Variants in CADPS observed in about 807,000 individuals in gnomAD.
The protein encoded by CADPS is calcium dependent secretion activator.
In CADPS, 57 loss-of-function variants were observed where a neutral mutation model predicts 167.3. The observed-to-expected ratio is 0.34, with a 90% CI of 0.28 to 0.42. CADPS has a LOEUF of 0.42. Ranked by LOEUF, CADPS falls within the 20% of genes least tolerant of loss-of-function variation. CADPS has a pLI of 1.00. For missense variants in CADPS, 1,414 were observed against 1,738.1 expected (o/e 0.81, Z 3.32); for synonymous variants, 676 against 635.3 (o/e 1.06, Z -0.96).
intron 3 of CADPS, among the ~76,000 whole-genome samples, chr3:62,683,327 C>A (rs1331092228): frequency 6.6e-6 from 1 of 151,994 alleles, no homozygotes; most frequent in Non-Finnish European, 1.5e-5. Flanking sequence ...GTGAATACAG[C>A]TATTGCCAAT....
In CADPS at chr3:62,421,250, C is replaced by T. The variant is rs1486965073; in HGVS notation, c.3777+16854G>A. 2.0e-5 allele frequency among the ~76,000 whole-genome samples: 3 copies of T among 152,108 alleles called. No homozygotes were observed. The highest frequency in any genetic ancestry group is 1.9e-4 in the East Asian group (1 of 5,158). On this transcript the variant is annotated intron_variant, in intron 28 of 29. Coordinates refer to ENST00000383710, the MANE Select transcript of CADPS (RefSeq NM_003716.4). This position sits in a 1 kb window ranked among gnomAD's most constrained non-coding sequence, Gnocchi z 4.7. Reference sequence around the variant, plus strand: ...CCCTCCCCCTTCCTCCCCACACCCCCCACCCTTTTGAGGTGACAGAATAAG... The same window carrying T: ...CCCTCCCCCTTCCTCCCCACACCCCTCACCCTTTTGAGGTGACAGAATAAG...
chr3:62,824,938 G>C (rs563889991), intron 1 of CADPS, among the ~76,000 whole-genome samples: 1 of 152,166 alleles, frequency 6.6e-6, no homozygotes, highest in East Asian at 1.9e-4. Flanking sequence ...ACGTGTCAGA[G>C]ATGAAGTCAG....
At chr3:62,631,139 T>C (rs1211570523) in intron 6 of CADPS, among the ~76,000 whole-genome samples, 1 of 151,672 alleles carries the variant, frequency 6.6e-6, no homozygotes, top group Non-Finnish European at 1.5e-5. Flanking sequence ...CACACAAATA[T>C]ACACACACAC....
chr3:62,735,734 T>C (rs981104921), intron 3 of CADPS, among the ~76,000 whole-genome samples: 2 of 152,176 alleles, frequency 1.3e-5, no homozygotes, highest in African/African-American at 2.4e-5. Flanking sequence ...CTGGGTTATA[T>C]CCTTAAAAGG....
chr3:62,632,969 G>GT (rs2065579027), intron 6 of CADPS, among the ~76,000 whole-genome samples: 1 of 152,108 alleles, frequency 6.6e-6, no homozygotes, highest in African/African-American at 2.4e-5. Flanking sequence ...ATGGTTGTGA[G>GT]AGATGCCAGG....
chr3:62,655,220 G>C (rs1402756837), intron 4 of CADPS, among the ~76,000 whole-genome samples: 2 of 152,148 alleles, frequency 1.3e-5, no homozygotes, highest in African/African-American at 4.8e-5. Context: ...GTCAATCCAG[G>C]CTGAGTTTCT....
At chr3:62,549,228 A>T (rs1374126666) in intron 11 of CADPS, among the ~76,000 whole-genome samples, 1 of 152,228 alleles carries the variant, frequency 6.6e-6, no homozygotes, top group Non-Finnish European at 1.5e-5. Context: ...ATTTCCAAAC[A>T]TGTACTGGCT....
intron 17 of CADPS, among the ~76,000 whole-genome samples, chr3:62,504,568 T>G (rs541429484): frequency 6.6e-6 from 1 of 152,352 alleles, no homozygotes; most frequent in South Asian, 2.1e-4. Flanking sequence ...TAAATGGGTC[T>G]TGATGAGAAA....
chr3:62,608,733 T>C (rs1312608573), intron 6 of CADPS, among the ~76,000 whole-genome samples: 1 of 152,218 alleles, frequency 6.6e-6, no homozygotes, highest in African/African-American at 2.4e-5. Flanking sequence ...TTGAAAAGCA[T>C]TTGGGCCCCA....
At chr3:62,631,131 C>T (rs2065200221) in intron 6 of CADPS, among the ~76,000 whole-genome samples, 3 of 151,786 alleles carry the variant, frequency 2.0e-5, no homozygotes, top group Non-Finnish European at 4.4e-5. Context: ...CACACACACA[C>T]ACAAATATAC....
intron 16 of CADPS, among the ~76,000 whole-genome samples, chr3:62,513,329 G>C (rs1424762612): frequency 6.6e-6 from 1 of 152,024 alleles, no homozygotes; most frequent in Non-Finnish European, 1.5e-5. Context: ...CCAGTGACAA[G>C]CACTTTACAA....
In CADPS at chr3:62,438,135, T is replaced by C; in HGVS notation, c.3746A>G (p.Asn1249Ser). The C allele has an allele frequency of 6.2e-7, 1 of 1,613,580 alleles. No individual in the cohort carries two copies. The highest frequency in any genetic ancestry group is 1.1e-5 in the South Asian group (1 of 91,056). Residue 1249 changes from asparagine to serine, a missense_variant, in exon 28 of 30, where the codon AAT becomes AGT. Asn to Ser is a conservative substitution (Grantham distance 46). This residue lies in a region of CADPS where 185 missense variants were observed against 251.5 expected (regional missense o/e 0.74). Coordinates refer to ENST00000383710, the MANE Select transcript of CADPS (RefSeq NM_003716.4). The surrounding 1 kb of genome is among the most constrained non-coding windows in gnomAD (Gnocchi z 4.7). ...TAACCTTTCTATGTACATCTCCTCA[T>C]TGACCTTATCACGCAGGACATCCTG... ...HSQDVLRDKVNEEMYIERLFD... is the reference protein window; with the variant it reads ...HSQDVLRDKVSEEMYIERLFD...
intron 1 of CADPS, among the ~76,000 whole-genome samples, chr3:62,870,373 C>A (rs921945915): frequency 3.3e-5 from 5 of 152,136 alleles, no homozygotes; most frequent in African/African-American, 1.2e-4. Flanking sequence ...TGATTCAAAA[C>A]ACACACATAC....
chr3:62,573,847 C>T (rs1045224271), intron 8 of CADPS, among the ~76,000 whole-genome samples: 3 of 152,170 alleles, frequency 2.0e-5, no homozygotes, highest in Non-Finnish European at 4.4e-5. Context: ...AACCCTGGTC[C>T]TGCTTTCTAA....
At chr3:62,471,513 C>A (rs754628484) in intron 24 of CADPS, among the ~76,000 whole-genome samples, 7 of 152,138 alleles carry the variant, frequency 4.6e-5, no homozygotes, top group African/African-American at 1.4e-4. Context: ...TCTCCCTAAA[C>A]CCCCAGCTCA....
At chr3:62,555,745 C>T (rs1194224493) in intron 10 of CADPS, among the ~76,000 whole-genome samples, 3 of 152,046 alleles carry the variant, frequency 2.0e-5, no homozygotes, top group African/African-American at 7.2e-5. Flanking sequence ...TTATTCTTTA[C>T]AATTCTATTT....
rs770998662 is a variant in CADPS, at chr3:62,455,558, GATCTT to G, written c.3637-9766_3637-9762del. On this transcript the variant is annotated intron_variant, in intron 26 of 29. Transcript: ENST00000383710. The surrounding 1 kb of genome is among the most constrained non-coding windows in gnomAD (Gnocchi z 4.4). The stretch of plus-strand genomic sequence containing the variant: ...TCCATTTTGTTGATTTTTGTGACAT[GATCTT>G]ATTTTAAGAGAAACTTGGAAGTGCA... Among the ~76,000 whole-genome samples, 1 of 152,150 alleles carries G rather than the reference GATCTT, an allele frequency of 6.6e-6. No individual in the cohort carries two copies. Among genetic ancestry groups the G allele is most frequent in the Non-Finnish European group, 1.5e-5 (1 of 68,020 alleles).
chr3:62,690,711 G>C (rs2078946077), intron 3 of CADPS, among the ~76,000 whole-genome samples: 1 of 151,730 alleles, frequency 6.6e-6, no homozygotes, highest in Non-Finnish European at 1.5e-5. Context: ...TACTGTATGA[G>C]TCTAACAGAG....
At chr3:62,612,972 TAAAC>T (rs1469324659) in intron 6 of CADPS, among the ~76,000 whole-genome samples, 1 of 152,056 alleles carries the variant, frequency 6.6e-6, no homozygotes, top group East Asian at 1.9e-4. Flanking sequence ...AATAATCAAA[TAAAC>T]AAACAAGAAT....
Sources: gnomAD v4.1 joint callset for allele counts (sites outside exome capture counted in the v4.1 genomes callset) on GRCh38, gnomAD v4.1.1 for gene constraint, gnomAD v4.1.1 regional missense constraint, Gnocchi (gnomAD v3.1) non-coding constraint, MANE v1.5 for transcripts, NCBI Gene and HGNC (gene_info 2026-07-23, HGNC 2026-07-21) for gene names.